AIFM2: variants seen among roughly 807,000 people sequenced by gnomAD.
The protein encoded by AIFM2 is ferroptosis suppressor protein 1.
AIFM2 carries 38 observed loss-of-function variants against 35.7 expected under a neutral mutation model. The observed-to-expected ratio is 1.06, with a 90% confidence interval of 0.82 to 1.39. AIFM2 has a LOEUF of 1.39. AIFM2 is among the 40% of genes most tolerant of loss of function. The pLI is 0.00. For synonymous variants in AIFM2, 185 were observed against 203.5 expected (o/e 0.91, Z 0.77); for missense variants, 476 against 491.2 (o/e 0.97, Z 0.29).
rs1319838951 is a variant in AIFM2 at position 70,115,042 on chromosome 10, A to G, written c.848T>C (p.Ile283Thr). The change falls in exon 8 of 9, where the codon ATT (isoleucine) becomes ACT (threonine). Residue 283 changes from isoleucine (I) to threonine (T), a missense_variant. Transcript: ENST00000307864. ...QVEGHSNVYA[I>T]GDCADVRTPK... ...CGTCCTCACGTCGGCACAGTCACCA[A>G]TGGCGTAGACGTTGCTGTGGCCCTC... is the stretch of plus-strand genomic sequence containing the variant. 1 of 1,614,242 alleles carries G rather than the reference A, an allele frequency of 6.2e-7. No individual in the cohort carries two copies. Among genetic ancestry groups the G allele is most frequent in the Admixed American group, 1.7e-5 (1 of 60,026 alleles).
At position 70,121,093 on chromosome 10, in the gene AIFM2, T is replaced by C. The variant is rs1337522460; in HGVS notation, c.413A>G (p.Gln138Arg). 4.3e-6 allele frequency: 7 copies of C among 1,610,990 alleles called. No individual in the cohort carries two copies. The East Asian group carries it at 1.1e-4, about 26-fold the overall frequency. The change falls in exon 4 of 9, where the codon CAG (glutamine) becomes CGG (arginine). Residue 138 changes from glutamine (Q) to arginine (R), a missense_variant and splice_region_variant. Transcript: ENST00000307864. Reference sequence around the variant, plus strand: ...CCATGCCTTCAGTGCACAGCTCACCTGCCTCACCATGTCCTCATAGGCCTG... The same window carrying C: ...CCATGCCTTCAGTGCACAGCTCACCCGCCTCACCATGTCCTCATAGGCCTG... ...AIQAYEDMVR[Q>R]VQRSRFIVVV...
Position 70,114,088 on chromosome 10 carries a change from C to T in AIFM2, c.*90G>A. 1 of 1,458,340 alleles carries T rather than the reference C, an allele frequency of 6.9e-7. No individual in the cohort carries two copies. Among genetic ancestry groups the T allele is most frequent in the African/African-American group, 1.4e-5 (1 of 70,418 alleles). 90.3% of individuals were successfully genotyped at this position (1,458,340 alleles called of 1,614,324 possible). On this transcript the variant is annotated 3_prime_UTR_variant, in exon 9 of 9. Coordinates refer to ENST00000307864, the MANE Select transcript of AIFM2 (RefSeq NM_032797.6). Reference sequence around the variant, plus strand: ...TTGGCATCTTATTCCAGAAGAATAGCATTAGTTCTAGCACTTGCCAGGCGG... The same window carrying T: ...TTGGCATCTTATTCCAGAAGAATAGTATTAGTTCTAGCACTTGCCAGGCGG...
chr10:70,122,029 T>C (rs1589849403), intron 3 of AIFM2, among the ~76,000 whole-genome samples: 2 of 151,806 alleles, frequency 1.3e-5, no homozygotes, highest in African/African-American at 4.8e-5. Context: ...GAGGCAGAGG[T>C]TGTGGTGACC....
chr10:70,113,933 C>A lies in AIFM2; in HGVS notation c.*245G>T, dbSNP rs1456679917. On this transcript the variant is annotated 3_prime_UTR_variant, in exon 9 of 9. Coordinates refer to ENST00000307864, the MANE Select transcript of AIFM2 (RefSeq NM_032797.6). ...GCACCATGCAGCCAGCACACATGAG[C>A]CGCTCACCCAGTACCACAGCAAGCA... is the stretch of plus-strand genomic sequence containing the variant. 4.1e-6 allele frequency: 2 copies of A among 483,786 alleles called. No homozygotes were observed. Among genetic ancestry groups the A allele is most frequent in the Non-Finnish European group, 3.7e-6 (1 of 273,496 alleles). 30.0% of individuals were successfully genotyped at this position (483,786 alleles called of 1,614,324 possible).
At position 70,114,161 on chromosome 10, in the gene AIFM2, C is replaced by T. The variant is rs1377244090; in HGVS notation, c.*17G>A. On this transcript the variant is annotated 3_prime_UTR_variant, in exon 9 of 9. Transcript: ENST00000307864. ...TACGCCCACCTGCTGCGGTAGTTCT[C>T]CCGCCTGGCCTCTCCATCAAGGTGG... 6.2e-7 allele frequency: 1 copy of T among 1,603,580 alleles called. No homozygotes were observed. The highest frequency in any genetic ancestry group is 1.1e-5 in the South Asian group (1 of 90,518).
chr10:70,122,543 C>T (rs1184467483), intron 3 of AIFM2, among the ~76,000 whole-genome samples: 2 of 152,206 alleles, frequency 1.3e-5, no homozygotes, highest in Non-Finnish European at 2.9e-5. Flanking sequence ...GTGTTCCAGG[C>T]TCCATGATGC....
intron 5 of AIFM2, among the ~76,000 whole-genome samples, chr10:70,120,161 T>C (rs1043521503): frequency 2.6e-5 from 4 of 152,354 alleles, no homozygotes; most frequent in Admixed American, 6.5e-5. Flanking sequence ...TAATCAAATA[T>C]ACATTTGTAT....
At chr10:70,116,808 G>A (rs769121695) in intron 6 of AIFM2, 34 bp from the exon 7 acceptor site, 3 of 1,610,278 alleles carry the variant, frequency 1.9e-6, no homozygotes, top group Non-Finnish European at 2.5e-6. Context: ...AGGCTGGTGG[G>A]GACAGGGACC....
At chr10:70,128,853 C>T (rs531117572) in intron 1 of AIFM2, among the ~76,000 whole-genome samples, 1 of 152,294 alleles carries the variant, frequency 6.6e-6, no homozygotes, top group African/African-American at 2.4e-5. Flanking sequence ...CACAAAGACA[C>T]ACATACACAA....
Position 70,131,017 on chromosome 10 carries a change from G to A in AIFM2, c.-14+1717C>T, listed in dbSNP as rs2072621153. Reference sequence around the variant, plus strand: ...CCAAGAGCATCCACCCTGATCTCAAGGGTATTATTCCACAATAAGCAGCCC... The same window carrying A: ...CCAAGAGCATCCACCCTGATCTCAAAGGTATTATTCCACAATAAGCAGCCC... On this transcript the variant is annotated intron_variant, in intron 1 of 8. Transcript: ENST00000307864. This position sits in a 1 kb window ranked among gnomAD's most constrained non-coding sequence, Gnocchi z 4.1. Among the ~76,000 whole-genome samples the A allele has an allele frequency of 6.6e-6, 1 of 152,134 alleles. No individual in the cohort carries two copies. Among genetic ancestry groups the A allele is most frequent in the Admixed American group, 6.5e-5 (1 of 15,276 alleles).
chr10:70,116,185 C>T (rs1031412942), intron 7 of AIFM2, among the ~76,000 whole-genome samples: 2 of 152,206 alleles, frequency 1.3e-5, no homozygotes, highest in African/African-American at 4.8e-5. Flanking sequence ...CTTTAAGAAA[C>T]GAGGCCATGT....
chr10:70,120,689 T>C (rs1442049139), intron 4 of AIFM2, 90 bp from the exon 5 acceptor site: 2 of 1,436,092 alleles, frequency 1.4e-6, no homozygotes, highest in Non-Finnish European at 1.9e-6. Context: ...TGTGGCTCCC[T>C]GGGCCAAAGG....
At chr10:70,114,625 C>T (rs2072414508) in intron 8 of AIFM2, 3 of 507,240 alleles carry the variant, frequency 5.9e-6, no homozygotes, top group Middle Eastern at 5.5e-4. Flanking sequence ...CAGGCATGCA[C>T]CACCACACCT....
At chr10:70,127,452 G>C (rs1480501776) in intron 1 of AIFM2, among the ~76,000 whole-genome samples, 1 of 152,234 alleles carries the variant, frequency 6.6e-6, no homozygotes, top group African/African-American at 2.4e-5. Flanking sequence ...CCCAGTGGCA[G>C]GAAGGGAGGA....
intron 5 of AIFM2, among the ~76,000 whole-genome samples, chr10:70,120,052 GC>G (rs1337551848): frequency 1.3e-5 from 2 of 152,254 alleles, no homozygotes; most frequent in African/African-American, 4.8e-5. Flanking sequence ...CAGAGCAGGG[GC>G]TACCATATCA....
Position 70,121,158 on chromosome 10 carries a change from C to T in AIFM2, c.348G>A (p.Pro116=), listed in dbSNP as rs377005666. 22 of 1,600,354 alleles carry T rather than the reference C, an allele frequency of 1.4e-5. No individual in the cohort carries two copies. Among genetic ancestry groups the T allele is most frequent in the South Asian group, 3.3e-5 (3 of 90,890 alleles). ...ILATGSTGPF[P]GKFNEVSSQQ... The stretch of plus-strand genomic sequence containing the variant: ...GGCTGGAAACCTCATTAAACTTGCC[C>T]GGGAAGGGCCCAGTGCTGCCCGTGG... Residue 116 remains proline, a synonymous_variant, in exon 4 of 9, where the codon CCG becomes CCA. Transcript: ENST00000307864.
intron 2 of AIFM2, 83 bp downstream of exon 2, chr10:70,123,824 A>T: frequency 7.2e-7 from 1 of 1,393,790 alleles, no homozygotes; most frequent in Non-Finnish European, 9.5e-7. Flanking sequence ...AAATGGAGAA[A>T]ACCACCCCCA....
At chr10:70,122,178 T>C (rs1024566882) in intron 3 of AIFM2, among the ~76,000 whole-genome samples, 3 of 152,036 alleles carry the variant, frequency 2.0e-5, no homozygotes, top group East Asian at 1.9e-4. Flanking sequence ...ATATATAAAG[T>C]TGACAAAAAC....
At chr10:70,120,731 C>T in intron 4 of AIFM2, 132 bp from the exon 5 acceptor site, 2 of 986,722 alleles carry the variant, frequency 2.0e-6, no homozygotes, top group Non-Finnish European at 1.6e-6. Flanking sequence ...ATTTTGAGTC[C>T]AAACGTGCTT....
Sources: allele counts gnomAD v4.1 joint callset (sites outside exome capture counted in the v4.1 genomes callset), GRCh38; gene constraint gnomAD v4.1.1; non-coding constraint Gnocchi (gnomAD v3.1); transcripts MANE v1.5; gene names NCBI Gene and HGNC (gene_info 2026-07-23, HGNC 2026-07-21).